ITPK1: variants seen among roughly 807,000 people sequenced by gnomAD.
ITPK1 encodes inositol-tetrakisphosphate 1-kinase.
Under a neutral mutation model 45.3 loss-of-function variants are expected in ITPK1, and 21 were observed. The observed-to-expected ratio is 0.46, with a 90% CI of 0.33 to 0.67. The LOEUF (loss-of-function observed/expected upper bound fraction) is 0.67. ITPK1 is among the 30% of genes least tolerant of loss of function. The pLI is 0.02. For synonymous variants in ITPK1, 258 were observed against 253.6 expected (o/e 1.02, Z -0.16); for missense variants, 474 against 573.5 (o/e 0.83, Z 1.77).
At chr14:93,030,478 A>G (rs1888982573) in intron 3 of ITPK1, among the ~76,000 whole-genome samples, 1 of 152,216 alleles carries the variant, frequency 6.6e-6, no homozygotes, top group African/African-American at 2.4e-5. Flanking sequence ...TTGAGTAATT[A>G]AGTGAACAGA....
At chr14:92,951,492 G>A (rs1225320836) in intron 9 of ITPK1, among the ~76,000 whole-genome samples, 6 of 152,192 alleles carry the variant, frequency 3.9e-5, no homozygotes, top group East Asian at 1.9e-4. Context: ...CAGAACGCCC[G>A]TTACCCATAG....
rs575215025 is a variant in ITPK1, at chr14:93,074,609, T to G, written c.120+1986A>C. On this transcript the variant is annotated intron_variant, in intron 3 of 10. Transcript: ENST00000267615. ...AATGGCTCCCACAGCAGTTCCCCCA[T>G]GGACCCTCCCAAGTGGCTGGGCGGA... is the stretch of plus-strand genomic sequence containing the variant. 1.1e-4 allele frequency among the ~76,000 whole-genome samples: 17 copies of G among 152,324 alleles called. No homozygotes were observed. In the South Asian group the frequency reaches 3.3e-3, roughly 30 times the overall value.
chr14:92,958,333 C>T lies in ITPK1; in HGVS notation c.538G>A (p.Ala180Thr), dbSNP rs572407165. ...AIVFNQEGLN[A>T]IQPPCVVQNF... The stretch of plus-strand genomic sequence containing the variant: ...TGGACCACGCAGGGTGGCTGGATGG[C>T]GTTCAGGCCCTCCTGGTTGAACACG... The change falls in exon 8 of 11, where the codon GCC becomes ACC. Residue 180 changes from alanine to threonine, a missense_variant. Transcript: ENST00000267615. The surrounding 1 kb of genome is among the most constrained non-coding windows in gnomAD (Gnocchi z 4.4). The T allele has an allele frequency of 3.7e-6, 6 of 1,614,184 alleles. No homozygotes were observed. The highest frequency in any genetic ancestry group is 4.5e-5 in the East Asian group (2 of 44,890).
intron 3 of ITPK1, among the ~76,000 whole-genome samples, chr14:93,045,774 T>C (rs1031069844): frequency 1.3e-5 from 2 of 152,192 alleles, no homozygotes; most frequent in African/African-American, 4.8e-5. Context: ...TTTTTTTTAT[T>C]CTTTCAGAAC....
intron 2 of ITPK1, among the ~76,000 whole-genome samples, chr14:93,110,348 A>G (rs1195713731): frequency 6.6e-6 from 1 of 152,180 alleles, no homozygotes; most frequent in Non-Finnish European, 1.5e-5. Context: ...AAATCCAGAC[A>G]TTAAAACAAA....
chr14:93,093,424 C>T (rs549315515), intron 2 of ITPK1, among the ~76,000 whole-genome samples: 19 of 152,326 alleles, frequency 1.2e-4, no homozygotes, highest in African/African-American at 3.4e-4. Context: ...AGTCTGAGTG[C>T]TCCGACATCA....
At chr14:93,020,934 G>T (rs1888431325) in intron 3 of ITPK1, among the ~76,000 whole-genome samples, 2 of 152,156 alleles carry the variant, frequency 1.3e-5, no homozygotes, top group South Asian at 4.2e-4. Context: ...TCTGAGACGG[G>T]GACTCATGAG....
At chr14:93,086,887 G>A (rs79438525) in intron 2 of ITPK1, among the ~76,000 whole-genome samples, 6,604 of 152,300 alleles carry the variant, frequency 0.043, 236 homozygotes, top group Admixed American at 0.091. Context: ...CCTTACTGGA[G>A]TATCTCCCTG....
intron 5 of ITPK1, among the ~76,000 whole-genome samples, chr14:92,977,474 C>A (rs930174444): frequency 6.6e-6 from 1 of 152,232 alleles, no homozygotes; most frequent in African/African-American, 2.4e-5. Flanking sequence ...CAGCAGCAAA[C>A]TTCTAAGCCA....
At position 92,965,276 on chromosome 14, in the gene ITPK1, T is replaced by C. The variant is rs139071196; in HGVS notation, c.365-2427A>G. On this transcript the variant is annotated intron_variant, in intron 5 of 10. Transcript: ENST00000267615. ...ATAGAGGACAAAAACCACATGATCA[T>C]CTCAATGGATGCAGAAAAAGCATTT... 3.6e-3 allele frequency among the ~76,000 whole-genome samples: 553 copies of C among 152,320 alleles called. 4 individuals carry two copies. The highest frequency in any genetic ancestry group is 0.012 in the African/African-American group (496 of 41,558).
Position 92,941,502 on chromosome 14 carries a change from G to C in ITPK1, c.*59C>G. On this transcript the variant is annotated 3_prime_UTR_variant, in exon 11 of 11. Coordinates refer to ENST00000267615, the MANE Select transcript of ITPK1 (RefSeq NM_014216.6). ...AGTAGTAGCATCGCCGTTGGGAGCT[G>C]CTGGCCCAGCGGGTGTGCTCTGCGC... 6.9e-7 allele frequency: 1 copy of C among 1,456,950 alleles called. No homozygotes were observed. The highest frequency in any genetic ancestry group is 9.0e-7 in the Non-Finnish European group (1 of 1,111,728). 90.3% of individuals were successfully genotyped at this position (1,456,950 alleles called of 1,614,324 possible).
At chr14:93,089,180 G>A (rs971295205) in intron 2 of ITPK1, among the ~76,000 whole-genome samples, 3 of 152,180 alleles carry the variant, frequency 2.0e-5, no homozygotes, top group Non-Finnish European at 4.4e-5. Flanking sequence ...TGCCCCAGGG[G>A]CCCCAAGACC....
intron 2 of ITPK1, among the ~76,000 whole-genome samples, chr14:93,112,628 TG>T (rs1207810663): frequency 6.6e-6 from 1 of 151,924 alleles, no homozygotes; most frequent in African/African-American, 2.4e-5. Context: ...TTAGTAGAGA[TG>T]GGGTTTCACC....
chr14:93,018,581 T>C (rs1208140445), intron 3 of ITPK1, among the ~76,000 whole-genome samples: 1 of 152,090 alleles, frequency 6.6e-6, no homozygotes, highest in African/African-American at 2.4e-5. Context: ...TACTAAGGAA[T>C]GCTGTTCCCT....
chr14:92,941,728 C>G lies in ITPK1; in HGVS notation c.1078G>C (p.Gly360Arg). Residue 360 changes from glycine to arginine, a missense_variant, in exon 11 of 11, where the codon GGC (glycine) becomes CGC (arginine). By Grantham distance (125) the Gly-to-Arg change is moderately radical. Around this residue, in one of 2 missense-constraint regions of ITPK1, gnomAD observed 107 missense variants for 92.9 expected, o/e 1.15. Coordinates refer to ENST00000267615, the MANE Select transcript of ITPK1 (RefSeq NM_014216.6). The part of the protein sequence containing the change: ...VGERTCSASP[G>R]CCGSMMGQDA... Reference sequence around the variant, plus strand: ...TGGCCCATCATGCTGCCGCAGCAGCCGGGGCTGGCGCTGCATGTCCGCTCG... The same window carrying G: ...TGGCCCATCATGCTGCCGCAGCAGCGGGGGCTGGCGCTGCATGTCCGCTCG... 1 of 1,588,112 alleles carries G rather than the reference C, an allele frequency of 6.3e-7. No homozygotes were observed. Among genetic ancestry groups the G allele is most frequent in the Non-Finnish European group, 8.6e-7 (1 of 1,169,206 alleles).
Position 92,958,752 on chromosome 14 carries a change from G to A in ITPK1, c.505-386C>T, listed in dbSNP as rs940609509. Among the ~76,000 whole-genome samples, 1 of 152,198 alleles carries A rather than the reference G, an allele frequency of 6.6e-6. No homozygotes were observed. The highest frequency in any genetic ancestry group is 1.5e-5 in the Non-Finnish European group (1 of 68,036). On this transcript the variant is annotated intron_variant, in intron 7 of 10. Coordinates refer to ENST00000267615, the MANE Select transcript of ITPK1 (RefSeq NM_014216.6). This position sits in a 1 kb window ranked among gnomAD's most constrained non-coding sequence, Gnocchi z 4.4. ...ATCCTCCACAAAGACCCGGGAGGAG[G>A]AAGGAAGCAGATGACTCGGGCGCAG...
At chr14:93,003,639 G>C (rs1020628968) in intron 4 of ITPK1, among the ~76,000 whole-genome samples, 1 of 152,204 alleles carries the variant, frequency 6.6e-6, no homozygotes, top group Admixed American at 6.5e-5. Flanking sequence ...TAGCTACCCA[G>C]GGTGCCATTC....
Position 93,022,202 on chromosome 14 carries a change from G to C in ITPK1, c.121-5401C>G, listed in dbSNP as rs140167671. Reference sequence around the variant, plus strand: ...TGCTGGAAGGCCAGGTCCAAGAGCAGGCAAAGGATAAGCACACCCACTCCC... The same window carrying C: ...TGCTGGAAGGCCAGGTCCAAGAGCACGCAAAGGATAAGCACACCCACTCCC... On this transcript the variant is annotated intron_variant, in intron 3 of 10. Coordinates refer to ENST00000267615, the MANE Select transcript of ITPK1 (RefSeq NM_014216.6). Among the ~76,000 whole-genome samples the C allele has an allele frequency of 1.4e-4, 22 of 152,178 alleles. 1 individual carries two copies. Among genetic ancestry groups the C allele is most frequent in the Admixed American group, 3.3e-4 (5 of 15,284 alleles).
intron 8 of ITPK1, among the ~76,000 whole-genome samples, chr14:92,956,642 G>T (rs1041756227): frequency 1.3e-5 from 2 of 152,160 alleles, no homozygotes; most frequent in African/African-American, 4.8e-5. Flanking sequence ...GGATAAGAAA[G>T]GAGATCTGAC....
Sources: gnomAD v4.1 joint callset for allele counts (sites outside exome capture counted in the v4.1 genomes callset) on GRCh38, gnomAD v4.1.1 for gene constraint, gnomAD v4.1.1 regional missense constraint, Gnocchi (gnomAD v3.1) non-coding constraint, MANE v1.5 for transcripts, NCBI Gene and HGNC (gene_info 2026-07-23, HGNC 2026-07-21) for gene names.